SHLD2: variants seen among roughly 807,000 people sequenced by gnomAD.
SHLD2 encodes RINN1-REV7-interacting novel NHEJ regulator 2.
A neutral mutation model predicts 73.2 loss-of-function variants in SHLD2; 30 were observed. That is an observed-to-expected ratio of 0.41 (90% CI 0.31 to 0.56). SHLD2 has a LOEUF of 0.56. Among genes scored for constraint, SHLD2 ranks in the 20% least tolerant of loss-of-function variants. The probability of loss-of-function intolerance (pLI) is 0.28; values close to 1 mark genes in which losing one functional copy is unlikely to be tolerated. For missense variants in SHLD2, 745 were observed against 1,055.9 expected, an observed-to-expected ratio of 0.71 and a Z score of 4.08; for synonymous variants, 285 against 370.1, an observed-to-expected ratio of 0.77 and a Z score of 2.64.
chr10:87,139,699 G>GCA (rs1706143541), intron 2 of SHLD2, among the ~76,000 whole-genome samples: 1 of 152,094 alleles, frequency 6.6e-6, no homozygotes, highest in Non-Finnish European at 1.5e-5. Context: ...GTGGTGGGAT[G>GCA]TGCCTGTAAT....
At chr10:87,159,593 A>C (rs1846667108) in intron 4 of SHLD2, among the ~76,000 whole-genome samples, 1 of 152,234 alleles carries the variant, frequency 6.6e-6, no homozygotes, top group Admixed American at 6.5e-5. Context: ...TTGATCATGG[A>C]GTAGAATCAG....
chr10:87,154,715 G>T (rs1449277890), intron 3 of SHLD2, among the ~76,000 whole-genome samples: 2 of 152,016 alleles, frequency 1.3e-5, no homozygotes, highest in African/African-American at 4.8e-5. Context: ...CTAACATTGT[G>T]TTACATGTTC....
intron 3 of SHLD2, among the ~76,000 whole-genome samples, chr10:87,155,160 ATCCTC>A (rs10612178): frequency 0.68 from 102,758 of 151,090 alleles, 35,651 homozygotes; most frequent in Middle Eastern, 0.89. Context: ...TGGTCTCGAT[ATCCTC>A]ACCTCGTGAT....
At chr10:87,141,439 CA>C (rs1467798625) in intron 2 of SHLD2, among the ~76,000 whole-genome samples, 9 of 149,208 alleles carry the variant, frequency 6.0e-5, no homozygotes, top group African/African-American at 2.2e-4. Flanking sequence ...CTCCTGGATT[CA>C]AGATGATTCT....
chr10:87,178,936 C>G (rs1379358304), intron 7 of SHLD2, among the ~76,000 whole-genome samples: 1 of 152,086 alleles, frequency 6.6e-6, no homozygotes, highest in Non-Finnish European at 1.5e-5. Flanking sequence ...ATTAACTGGA[C>G]TCTGAAAGAG....
chr10:87,159,755 A>T (rs1257417288), intron 4 of SHLD2, among the ~76,000 whole-genome samples: 1 of 152,184 alleles, frequency 6.6e-6, no homozygotes. Context: ...CTGCTACTGA[A>T]TTACTGGTTT....
At chr10:87,111,557 C>G (rs2134005808) in intron 2 of SHLD2, among the ~76,000 whole-genome samples, 1 of 148,452 alleles carries the variant, frequency 6.7e-6, no homozygotes, top group Middle Eastern at 3.5e-3. Flanking sequence ...ACGAGAATCT[C>G]TTGAGTCCGG....
At chr10:87,120,079 A>G (rs1279978058) in intron 2 of SHLD2, among the ~76,000 whole-genome samples, 1 of 151,982 alleles carries the variant, frequency 6.6e-6, no homozygotes, top group African/African-American at 2.4e-5. Context: ...AGTGATAGGT[A>G]TTAATGAGCT....
At chr10:87,154,467 G>A (rs1458885328) in intron 3 of SHLD2, 14 of 148,700 alleles carry the variant, frequency 9.4e-5, no homozygotes, top group South Asian at 2.1e-4. Context: ...TGCAACCTCC[G>A]CCTCCTGGGT....
intron 2 of SHLD2, among the ~76,000 whole-genome samples, chr10:87,103,182 C>T (rs2133947726): frequency 1.3e-5 from 2 of 152,080 alleles, no homozygotes; most frequent in South Asian, 4.1e-4. Context: ...TGCACTCCAG[C>T]CTGGCAACAG....
At chr10:87,150,602 A>T (rs1787130414) in intron 2 of SHLD2, among the ~76,000 whole-genome samples, 1 of 151,284 alleles carries the variant, frequency 6.6e-6, no homozygotes, top group African/African-American at 2.4e-5. Flanking sequence ...CTCTACTAAA[A>T]GTACAAAAAT....
At chr10:87,145,080 A>G (rs1031963056) in intron 2 of SHLD2, among the ~76,000 whole-genome samples, 1 of 147,124 alleles carries the variant, frequency 6.8e-6, no homozygotes, top group Middle Eastern at 3.5e-3. Flanking sequence ...AGCTGGGACT[A>G]CAGGGGCCCA....
At chr10:87,129,667 GACACAGGGTCTT>G (rs563073200) in intron 2 of SHLD2, among the ~76,000 whole-genome samples, 1,912 of 151,678 alleles carry the variant, frequency 0.013, 30 homozygotes, top group Middle Eastern at 0.072. Flanking sequence ...CTACTCTTTT[GACACAGGGTCTT>G]GCTCTGTCGT....
chr10:87,104,169 G>A (rs557742326), intron 2 of SHLD2, among the ~76,000 whole-genome samples: 14 of 149,248 alleles, frequency 9.4e-5, no homozygotes, highest in South Asian at 4.3e-4. Flanking sequence ...CCCGGGAGGC[G>A]GAGGTTGTAG....
chr10:87,094,567 T>G (rs1331625391), upstream of SHLD2: 9 of 1,611,924 alleles, frequency 5.6e-6, no homozygotes, highest in Non-Finnish European at 6.8e-6. The surrounding 1 kb of genome is among the most constrained non-coding windows in gnomAD (Gnocchi z 6.6). Flanking sequence ...CTCCACCATC[T>G]TGAAGAAGTT....
chr10:87,123,489 C>G (rs901418354), intron 2 of SHLD2, among the ~76,000 whole-genome samples: 3 of 152,002 alleles, frequency 2.0e-5, no homozygotes, highest in Non-Finnish European at 4.4e-5. Context: ...AGTTGTTGGC[C>G]AGGCTGGTGT....
chr10:87,163,099 A>C (rs1329300653), intron 4 of SHLD2, among the ~76,000 whole-genome samples: 1 of 152,072 alleles, frequency 6.6e-6, no homozygotes, highest in African/African-American at 2.4e-5. Flanking sequence ...CTACATTCAC[A>C]TAGTGGAACA....
At position 87,100,280 on chromosome 10, in the gene SHLD2, C is replaced by T. The variant is rs571067286; in HGVS notation, c.-6+3291C>T. ...TTTATCCATTTTGTGTTACTTTTTC[C>T]GAGAAAAGGATCCAGTTTCATTCTT... On this transcript the variant is annotated intron_variant, in intron 2 of 9. Transcript: ENST00000298786. 3.3e-5 allele frequency among the ~76,000 whole-genome samples: 5 copies of T among 152,102 alleles called. No homozygotes were observed. The East Asian group carries it at 5.8e-4, about 18-fold the overall frequency.
At chr10:87,143,717 T>C (rs1845370329) in intron 2 of SHLD2, among the ~76,000 whole-genome samples, 1 of 152,078 alleles carries the variant, frequency 6.6e-6, no homozygotes, top group Admixed American at 6.6e-5. Context: ...ATATGGTTCT[T>C]AACTAGGAAT....
Sources: gnomAD v4.1 joint callset for allele counts (sites outside exome capture counted in the v4.1 genomes callset) on GRCh38, gnomAD v4.1.1 for gene constraint, Gnocchi (gnomAD v3.1) non-coding constraint, MANE v1.5 for transcripts, NCBI Gene and HGNC (gene_info 2026-07-23, HGNC 2026-07-21) for gene names.